LRP5: variants seen among roughly 807,000 people sequenced by gnomAD.
LRP5 encodes LDL receptor related protein 5, also known as low-density lipoprotein receptor-related protein 5.
A neutral mutation model predicts 154.1 loss-of-function variants in LRP5; 62 were observed. The ratio of observed to expected loss-of-function variants is 0.40; its 90% CI spans 0.33 to 0.50. The LOEUF is 0.50. LRP5 is among the 20% of genes least tolerant of loss of function. The probability of loss-of-function intolerance (pLI) is 0.55; values close to 1 mark genes in which losing one functional copy is unlikely to be tolerated. For synonymous variants in LRP5, 966 were observed against 1,011.5 expected, an observed-to-expected ratio of 0.96 and a Z score of 0.85; for missense variants, 1,915 against 2,336.7, an observed-to-expected ratio of 0.82 and a Z score of 3.72.
rs764782174 is a variant in LRP5, at chr11:68,365,685, G to A, written c.998G>A (p.Gly333Asp). 6.4e-6 allele frequency: 10 copies of A among 1,560,964 alleles called. No homozygotes were observed. In the East Asian group the frequency reaches 2.4e-4, roughly 38 times the overall value. Reference sequence around the variant, plus strand: ...ACGGGTGTGCAGCTGCAGGACAACGGCAGGACGTGTAAGGCAGGTGAGGCG... The same window carrying A: ...ACGGGTGTGCAGCTGCAGGACAACGACAGGACGTGTAAGGCAGGTGAGGCG... Reference protein sequence around the residue: ...CPTGVQLQDNGRTCKAGAEEV... With the variant: ...CPTGVQLQDNDRTCKAGAEEV... Residue 333 changes from glycine (G) to aspartate (D), a missense_variant, in exon 5 of 23, where the codon GGC becomes GAC. Transcript: ENST00000294304.
intron 16 of LRP5, among the ~76,000 whole-genome samples, chr11:68,427,497 T>G (rs1282066751): frequency 6.6e-6 from 1 of 152,126 alleles, no homozygotes; most frequent in African/African-American, 2.4e-5. Flanking sequence ...CTGCCCAACA[T>G]AGTGAAATCC....
Position 68,449,193 on chromosome 11 carries a change from T to C in LRP5, c.*123T>C. ...ATTGGGATTTTAAAAACATGAGAAATGTGAACTGTGATGGGGTGGGCAGGG... is the reference window on the plus strand; with the variant it reads ...ATTGGGATTTTAAAAACATGAGAAACGTGAACTGTGATGGGGTGGGCAGGG... On this transcript the variant is annotated 3_prime_UTR_variant, in exon 23 of 23. Transcript: ENST00000294304. 1.4e-6 allele frequency: 1 copy of C among 709,954 alleles called. No homozygotes were observed. 44.0% of individuals were successfully genotyped at this position (709,954 alleles called of 1,614,324 possible). A position where few individuals can be genotyped will look rare whatever the true frequency, so the allele number is the denominator to read the frequency against.
intron 13 of LRP5, among the ~76,000 whole-genome samples, chr11:68,419,717 A>G (rs546465476): frequency 6.6e-6 from 1 of 151,422 alleles, no homozygotes; most frequent in South Asian, 2.1e-4. Flanking sequence ...TAATTTTTGT[A>G]TTTTTTAGCA....
intron 21 of LRP5, 126 bp downstream of exon 21, chr11:68,440,042 C>T: frequency 1.1e-5 from 9 of 785,292 alleles, no homozygotes; most frequent in East Asian, 2.7e-5. Flanking sequence ...GGCATGCTTG[C>T]TTTCTTCCCT....
intron 7 of LRP5, among the ~76,000 whole-genome samples, chr11:68,398,704 A>G (rs956876858): frequency 1.3e-5 from 2 of 152,018 alleles, no homozygotes; most frequent in Non-Finnish European, 2.9e-5. Flanking sequence ...GGAATTCAAA[A>G]AAAAAAAATT....
chr11:68,421,062 T>TA (rs2098665296), intron 13 of LRP5, among the ~76,000 whole-genome samples: 1 of 151,982 alleles, frequency 6.6e-6, no homozygotes. Context: ...CCGTCTCTAC[T>TA]AAAAATACCA....
At chr11:68,446,342 C>T in intron 21 of LRP5, 94 bp from the exon 22 acceptor site, 1 of 897,400 alleles carries the variant, frequency 1.1e-6, no homozygotes. Flanking sequence ...GGGCCAGAAG[C>T]CCTCTCTGCA....
upstream of LRP5, among the ~76,000 whole-genome samples, chr11:68,309,996 C>G (rs1231686314): frequency 1.3e-5 from 2 of 152,236 alleles, no homozygotes; most frequent in South Asian, 2.1e-4. Flanking sequence ...GTGCTAGGCC[C>G]TGGTACGGGC....
At chr11:68,414,130 A>G in intron 12 of LRP5, 118 bp downstream of exon 12, 1 of 1,009,494 alleles carries the variant, frequency 9.9e-7, no homozygotes, top group Non-Finnish European at 1.5e-6. Flanking sequence ...ATGGTTGGGT[A>G]GGTTGTGCAC....
intron 1 of LRP5, among the ~76,000 whole-genome samples, chr11:68,335,064 C>A (rs2153121839): frequency 6.8e-6 from 1 of 147,826 alleles, no homozygotes; most frequent in African/African-American, 2.5e-5. Flanking sequence ...CTGTTCGATA[C>A]CTGACCTGGC....
intron 16 of LRP5, 117 bp downstream of exon 16, chr11:68,426,304 A>G: frequency 1.2e-6 from 1 of 845,158 alleles, no homozygotes; most frequent in Non-Finnish European, 1.8e-6. Context: ...TCTCTGCCAG[A>G]TGCCAACTGT....
At chr11:68,365,849 C>T (rs2098630789) in intron 5 of LRP5, 147 bp downstream of exon 5, 1 of 804,328 alleles carries the variant, frequency 1.2e-6, no homozygotes. Context: ...AGTCTGTGGT[C>T]CCAGCTACTC....
At chr11:68,404,199 A>G (rs2098654245) in intron 8 of LRP5, 3 of 464,262 alleles carry the variant, frequency 6.5e-6, no homozygotes, top group South Asian at 5.2e-5. Context: ...TGTCTGGCAC[A>G]ATGATTTGTC....
chr11:68,402,766 G>A (rs12296049), intron 7 of LRP5, among the ~76,000 whole-genome samples: 8,216 of 152,226 alleles, frequency 0.054, 600 homozygotes, highest in African/African-American at 0.16. Flanking sequence ...TCCTTCCTGC[G>A]GAGCACGCCC....
chr11:68,401,800 T>A (rs2098652770), intron 7 of LRP5, among the ~76,000 whole-genome samples: 2 of 152,182 alleles, frequency 1.3e-5, no homozygotes, highest in Non-Finnish European at 2.9e-5. Context: ...GCGATTCTCC[T>A]GCCTCAGCCT....
intron 7 of LRP5, 97 bp downstream of exon 7, chr11:68,390,149 G>A: frequency 2.8e-6 from 4 of 1,441,068 alleles, no homozygotes; most frequent in Non-Finnish European, 3.8e-6. Flanking sequence ...GGGTGCCTGT[G>A]CTCTGCTATT....
chr11:68,391,911 G>C (rs540258359), intron 7 of LRP5, among the ~76,000 whole-genome samples: 1 of 152,160 alleles, frequency 6.6e-6, no homozygotes, highest in Non-Finnish European at 1.5e-5. Flanking sequence ...GCGCAATCAC[G>C]GCTCGCTGTA....
chr11:68,384,110 C>T lies in LRP5; in HGVS notation c.1016-2206C>T, dbSNP rs545515082. Among the ~76,000 whole-genome samples the T allele has an allele frequency of 7.8e-4, 118 of 152,192 alleles. No homozygotes were observed. In the Middle Eastern group the frequency reaches 0.01, roughly 13 times the overall value. On this transcript the variant is annotated intron_variant, in intron 5 of 22. Transcript: ENST00000294304. Reference sequence around the variant, plus strand: ...TGGGCCCGTGTCGCTGTTGCCATCACGTGGGCGCCCTCTAGTGGAGGAATC... The same window carrying T: ...TGGGCCCGTGTCGCTGTTGCCATCATGTGGGCGCCCTCTAGTGGAGGAATC...
At position 68,449,173 on chromosome 11, in the gene LRP5, G is replaced by T. The variant is rs2098683094; in HGVS notation, c.*103G>T. 4.5e-4 allele frequency: 299 copies of T among 663,978 alleles called. No homozygotes were observed. Among genetic ancestry groups the T allele is most frequent in the Middle Eastern group, 1.1e-3 (2 of 1,774 alleles). The allele number at this position is 663,978 out of a possible 1,614,324, so 41.1% of individuals were successfully genotyped here. ...TGATTTAAAAAATAAATATAATTGGGATTTTAAAAACATGAGAAATGTGAA... is the reference window on the plus strand; with the variant it reads ...TGATTTAAAAAATAAATATAATTGGTATTTTAAAAACATGAGAAATGTGAA... On this transcript the variant is annotated 3_prime_UTR_variant, in exon 23 of 23. Coordinates refer to ENST00000294304, the MANE Select transcript of LRP5 (RefSeq NM_002335.4).
Sources: gnomAD v4.1 joint callset for allele counts (sites outside exome capture counted in the v4.1 genomes callset) on GRCh38, gnomAD v4.1.1 for gene constraint, MANE v1.5 for transcripts, NCBI Gene and HGNC (gene_info 2026-07-23, HGNC 2026-07-21) for gene names.